Variants in DLC1 observed in about 807,000 individuals in gnomAD.
DLC1 encodes rho GTPase-activating protein 7.
In DLC1, 54 loss-of-function variants were observed where a neutral mutation model predicts 140.3. The ratio of observed to expected loss-of-function variants is 0.38; its 90% CI spans 0.31 to 0.48. DLC1 has a LOEUF of 0.48. Among genes scored for constraint, DLC1 ranks in the 20% least tolerant of loss-of-function variants. The probability of loss-of-function intolerance (pLI) is 0.96; values close to 1 mark genes in which losing one functional copy is unlikely to be tolerated. For synonymous variants in DLC1, 986 were observed against 728.1 expected (o/e 1.35, Z -5.70); for missense variants, 2,536 against 1,907.0 (o/e 1.33, Z -6.14).
chr8:13,411,776 A>G (rs1277069452), intron 2 of DLC1, among the ~76,000 whole-genome samples: 1 of 152,218 alleles, frequency 6.6e-6, no homozygotes, highest in Non-Finnish European at 1.5e-5. Context: ...CTTTAAATAC[A>G]CACAAAATAC....
At chr8:13,297,257 C>T (rs1831992145) in intron 5 of DLC1, among the ~76,000 whole-genome samples, 1 of 23,024 alleles carries the variant, frequency 4.3e-5, no homozygotes, top group Non-Finnish European at 8.7e-5. Flanking sequence ...CATAAAGAAG[C>T]AGGCAAGCAG....
intron 1 of DLC1, among the ~76,000 whole-genome samples, chr8:13,602,413 A>C (rs1211263293): frequency 6.6e-6 from 1 of 151,810 alleles, no homozygotes; most frequent in African/African-American, 2.4e-5. Flanking sequence ...TTATTTTTTA[A>C]ACTGTGATCA....
At chr8:13,248,785 A>G (rs191841049) in intron 5 of DLC1, among the ~76,000 whole-genome samples, 1 of 152,202 alleles carries the variant, frequency 6.6e-6, no homozygotes, top group African/African-American at 2.4e-5. Flanking sequence ...CGCATTCTCC[A>G]TTCCCTGGTA....
intron 1 of DLC1, among the ~76,000 whole-genome samples, chr8:13,590,224 T>C (rs992531462): frequency 6.6e-6 from 1 of 152,072 alleles, no homozygotes; most frequent in Admixed American, 6.6e-5. Context: ...CATCCTTGAA[T>C]ATCTTTCCAA....
chr8:13,601,187 A>G (rs1805870399), intron 1 of DLC1, among the ~76,000 whole-genome samples: 1 of 151,798 alleles, frequency 6.6e-6, no homozygotes, highest in Non-Finnish European at 1.5e-5. Context: ...TTCTAATACA[A>G]TAAGGCTCAG....
rs144112968 is a variant in DLC1 at position 13,347,245 on chromosome 8, C to T, written c.1315-41943G>A. On this transcript the variant is annotated intron_variant, in intron 4 of 17. Transcript: ENST00000276297. ...AAAACAGAGAGAAACAAGTATGTGG[C>T]TATGAAATCAATCTTTCTAGTCCAT... is the stretch of plus-strand genomic sequence containing the variant. Among the ~76,000 whole-genome samples, 4 of 152,272 alleles carry T rather than the reference C, an allele frequency of 2.6e-5. No homozygotes were observed. In the East Asian group the frequency reaches 7.7e-4, roughly 29 times the overall value.
intron 1 of DLC1, among the ~76,000 whole-genome samples, chr8:13,506,730 T>G (rs1228309906): frequency 2.0e-5 from 3 of 151,796 alleles, no homozygotes; most frequent in East Asian, 3.9e-4. Flanking sequence ...GCTTAGTCAC[T>G]GTGGGAAGGA....
chr8:13,448,618 C>T (rs1242353737), intron 2 of DLC1, among the ~76,000 whole-genome samples: 5 of 152,160 alleles, frequency 3.3e-5, no homozygotes, highest in Non-Finnish European at 7.3e-5. Context: ...CTCAGCTTCC[C>T]AAAGTGCTGG....
chr8:13,215,560 T>C (rs1046260960), intron 5 of DLC1, among the ~76,000 whole-genome samples: 2 of 152,234 alleles, frequency 1.3e-5, no homozygotes, highest in South Asian at 2.1e-4. Context: ...CACTCCAGCT[T>C]GGGTGACAGA....
chr8:13,150,447 C>T (rs1823722573), intron 5 of DLC1, among the ~76,000 whole-genome samples: 1 of 151,938 alleles, frequency 6.6e-6, no homozygotes, highest in Admixed American at 6.6e-5. Context: ...CACTGTATTG[C>T]CCTTAACAAG....
chr8:13,598,424 C>T (rs960311007), intron 1 of DLC1, among the ~76,000 whole-genome samples: 1 of 151,578 alleles, frequency 6.6e-6, no homozygotes, highest in Non-Finnish European at 1.5e-5. Context: ...GTTTACACAG[C>T]CAACAAACAT....
chr8:13,516,607 A>T (rs2117273897), upstream of DLC1, among the ~76,000 whole-genome samples: 1 of 152,330 alleles, frequency 6.6e-6, no homozygotes, highest in African/African-American at 2.4e-5. Flanking sequence ...GTCAAATAAA[A>T]ACGTTTGGTC....
chr8:13,242,415 A>C (rs1204997810), intron 5 of DLC1, among the ~76,000 whole-genome samples: 2 of 150,846 alleles, frequency 1.3e-5, no homozygotes, highest in Non-Finnish European at 1.5e-5. Flanking sequence ...TTCTCCTTGG[A>C]GACAAGGTCT....
intron 5 of DLC1, among the ~76,000 whole-genome samples, chr8:13,256,294 G>A (rs927600784): frequency 6.6e-6 from 1 of 152,128 alleles, no homozygotes; most frequent in African/African-American, 2.4e-5. Context: ...CTAAATTATT[G>A]CAAGAACAAT....
At chr8:13,234,052 C>G (rs1326804574) in intron 5 of DLC1, among the ~76,000 whole-genome samples, 2 of 152,118 alleles carry the variant, frequency 1.3e-5, no homozygotes, top group Non-Finnish European at 2.9e-5. Context: ...ATTGAACTAT[C>G]TAGTGTCTTG....
intron 1 of DLC1, among the ~76,000 whole-genome samples, chr8:13,597,340 G>A (rs900463968): frequency 3.9e-5 from 6 of 151,964 alleles, no homozygotes; most frequent in Admixed American, 6.6e-5. Flanking sequence ...GACGTGAACC[G>A]TATTGCTTCT....
chr8:13,537,933 C>T (rs1424972668), intron 1 of DLC1, among the ~76,000 whole-genome samples: 2 of 152,038 alleles, frequency 1.3e-5, no homozygotes, highest in African/African-American at 4.8e-5. Context: ...GGATTACAGG[C>T]GTGAGCCACC....
At chr8:13,387,013 A>G (rs1443994646) in intron 4 of DLC1, among the ~76,000 whole-genome samples, 1 of 152,032 alleles carries the variant, frequency 6.6e-6, no homozygotes, top group African/African-American at 2.4e-5. Context: ...AGACTATTAC[A>G]TTTGTGTTTA....
At chr8:13,560,817 A>G (rs1390903107) in intron 1 of DLC1, among the ~76,000 whole-genome samples, 1 of 152,192 alleles carries the variant, frequency 6.6e-6, no homozygotes, top group East Asian at 1.9e-4. Flanking sequence ...GCATGGAGGG[A>G]GAACATCATG....
Sources: gnomAD v4.1 joint callset for allele counts (sites outside exome capture counted in the v4.1 genomes callset) on GRCh38, gnomAD v4.1.1 for gene constraint, MANE v1.5 for transcripts, NCBI Gene and HGNC (gene_info 2026-07-23, HGNC 2026-07-21) for gene names.